Variants in HARS1 observed in about 807,000 individuals in gnomAD.
HARS1 encodes the protein histidine--tRNA ligase, cytoplasmic.
In HARS1, 45 loss-of-function variants were observed where a neutral mutation model predicts 63.6. That is an observed-to-expected ratio of 0.71 (90% CI 0.56 to 0.91). The LOEUF (loss-of-function observed/expected upper bound fraction) is 0.91. HARS1 is among the 40% of genes least tolerant of loss of function. The pLI is 0.00. For synonymous variants in HARS1, 205 were observed against 247.1 expected (o/e 0.83, Z 1.60); for missense variants, 508 against 643.2 (o/e 0.79, Z 2.27).
rs968762189 is a variant in HARS1 at position 140,674,178 on chromosome 5, C to T, written c.*79G>A. On this transcript the variant is annotated 3_prime_UTR_variant, in exon 13 of 13. Coordinates refer to ENST00000504156, the MANE Select transcript of HARS1 (RefSeq NM_002109.6). ...TCCGCTGAAACGGAAAAGTGCAAAG[C>T]AATTGAAGTACATATGCAGTTTGTC... 2.8e-5 allele frequency: 25 copies of T among 881,308 alleles called. No homozygotes were observed. The highest frequency in any genetic ancestry group is 4.3e-4 in the Middle Eastern group (2 of 4,646). The allele number at this position is 881,308 out of a possible 1,614,324, so 54.6% of individuals were successfully genotyped here. A position where few individuals can be genotyped will look rare whatever the true frequency, so the allele number is the denominator to read the frequency against.
intron 11 of HARS1, 68 bp from the exon 12 acceptor site, chr5:140,674,893 C>T (rs1001734155): frequency 3.8e-6 from 6 of 1,564,506 alleles, no homozygotes; most frequent in African/African-American, 2.7e-5. Flanking sequence ...GGTGTCCAAG[C>T]TGGCACCCTG....
intron 3 of HARS1, among the ~76,000 whole-genome samples, chr5:140,682,006 A>G (rs1009203849): frequency 2.6e-5 from 4 of 152,220 alleles, no homozygotes; most frequent in Admixed American, 6.5e-5. Context: ...TCATTGTGAT[A>G]AGAGAGAGAA....
Position 140,677,888 on chromosome 5 carries a change from CCAGCCTTGT to C in HARS1, c.630+11_630+19del, listed in dbSNP as rs1293241331. On this transcript the variant is annotated intron_variant, in intron 6 of 12. Coordinates refer to ENST00000504156, the MANE Select transcript of HARS1 (RefSeq NM_002109.6). ...AGAGGCCAGGCCCAACTTTGCCCTC[CCAGCCTTGT>C]CAGCTCTGACCTTGACCAGGAAGTC... 1 of 1,555,290 alleles carries C rather than the reference CCAGCCTTGT, an allele frequency of 6.4e-7. No homozygotes were observed. Among genetic ancestry groups the C allele is most frequent in the South Asian group, 1.1e-5 (1 of 89,886 alleles).
At chr5:140,678,925 G>A (rs1283487423) in intron 5 of HARS1, 77 bp downstream of exon 5, 45 of 1,461,490 alleles carry the variant, frequency 3.1e-5, no homozygotes, top group Non-Finnish European at 3.7e-5. Flanking sequence ...TCAGGACACC[G>A]TGAGTACTCA....
intron 2 of HARS1, among the ~76,000 whole-genome samples, chr5:140,685,931 C>CTTTT (rs895539158): frequency 1.5e-5 from 2 of 137,868 alleles, no homozygotes; most frequent in Non-Finnish European, 3.2e-5. Flanking sequence ...TCAAGAAAGT[C>CTTTT]TTTTTTTTTT....
chr5:140,677,893 C>G lies in HARS1; in HGVS notation c.630+15G>C. ...CCAGGCCCAACTTTGCCCTCCCAGCCTTGTCAGCTCTGACCTTGACCAGGA... is the reference window on the plus strand; with the variant it reads ...CCAGGCCCAACTTTGCCCTCCCAGCGTTGTCAGCTCTGACCTTGACCAGGA... On this transcript the variant is annotated intron_variant, in intron 6 of 12. Coordinates refer to ENST00000504156, the MANE Select transcript of HARS1 (RefSeq NM_002109.6). The G allele has an allele frequency of 6.4e-7, 1 of 1,572,894 alleles. No homozygotes were observed. The highest frequency in any genetic ancestry group is 8.8e-7 in the Non-Finnish European group (1 of 1,142,646).
chr5:140,684,343 C>T (rs1003700024), intron 2 of HARS1: 2 of 982,514 alleles, frequency 2.0e-6, no homozygotes, highest in South Asian at 4.7e-5. Flanking sequence ...ATAATAACAA[C>T]AAAAAAATAC....
chr5:140,674,864 G>A (rs762621582), intron 11 of HARS1, 39 bp from the exon 12 acceptor site: 2 of 1,612,198 alleles, frequency 1.2e-6, no homozygotes, highest in Middle Eastern at 1.7e-4. Context: ...GCTGGCTTCT[G>A]CTGTCCTCAG....
At chr5:140,684,494 T>A in intron 2 of HARS1, 2 of 791,236 alleles carry the variant, frequency 2.5e-6, no homozygotes, top group Non-Finnish European at 3.1e-6. Context: ...TTGTTTCTGG[T>A]AACAACTCTA....
chr5:140,675,117 A>G lies in HARS1; in HGVS notation c.1211T>C (p.Ile404Thr), dbSNP rs1331813676. 1.2e-6 allele frequency: 2 copies of G among 1,609,704 alleles called. No individual in the cohort carries two copies. The change falls in exon 11 of 13, where the codon ATA (isoleucine) becomes ACA (threonine). Residue 404 changes from isoleucine to threonine, a missense_variant. By Grantham distance (89) the Ile-to-Thr change is moderately conservative (BLOSUM62 -1). This residue lies in a region of HARS1 where 403 missense variants were observed against 548.7 expected (regional missense o/e 0.73). Coordinates refer to ENST00000504156, the MANE Select transcript of HARS1 (RefSeq NM_002109.6). ...AAGCACCTGTGTCTCCGTGGTCCGT[A>G]TCTTCTCCTCCAAAGCCTGGGGAAG... ...EQRLEALEEK[I>T]RTTETQVLVA...
chr5:140,687,782 A>G (rs967394350), intron 2 of HARS1: 1 of 152,280 alleles, frequency 6.6e-6, no homozygotes, highest in Non-Finnish European at 1.5e-5. Flanking sequence ...TGTTAACACA[A>G]CGAAAAAGGC....
intron 5 of HARS1, chr5:140,678,339 G>A (rs1174006730): frequency 5.6e-6 from 2 of 358,202 alleles, no homozygotes; most frequent in Non-Finnish European, 1.0e-5. Flanking sequence ...TGGATGATTT[G>A]ATGTATCAAA....
At chr5:140,678,117 T>G in intron 5 of HARS1, 102 bp from the exon 6 acceptor site, 2 of 685,192 alleles carry the variant, frequency 2.9e-6, no homozygotes, top group Non-Finnish European at 5.4e-6. Flanking sequence ...CACTCAAGCA[T>G]AGAATTTCTC....
chr5:140,683,962 TGA>T (rs1758871859), intron 2 of HARS1: 1 of 152,390 alleles, frequency 6.6e-6, no homozygotes, highest in Admixed American at 6.6e-5. Flanking sequence ...CACTCCAGAC[TGA>T]GAGACAGAGC....
intron 10 of HARS1, 24 bp from the exon 11 acceptor site, chr5:140,675,157 G>C (rs1413969174): frequency 6.9e-7 from 1 of 1,443,944 alleles, no homozygotes; most frequent in Non-Finnish European, 9.8e-7. Context: ...AGATAAAAGA[G>C]AGCTGGGCTA....
Position 140,679,198 on chromosome 5 carries a change from A to C in HARS1, c.397-71T>G, listed in dbSNP as rs1247173647. 1 of 1,523,668 alleles carries C rather than the reference A, an allele frequency of 6.6e-7. No individual in the cohort carries two copies. The highest frequency in any genetic ancestry group is 1.4e-5 in the African/African-American group (1 of 73,082). The allele number at this position is 1,523,668 out of a possible 1,614,324, so 94.4% of individuals were successfully genotyped here. A position where few individuals can be genotyped will look rare whatever the true frequency, so the allele number is the denominator to read the frequency against. On this transcript the variant is annotated intron_variant, in intron 4 of 12. Coordinates refer to ENST00000504156, the MANE Select transcript of HARS1 (RefSeq NM_002109.6). This position sits in a 1 kb window ranked among gnomAD's most constrained non-coding sequence, Gnocchi z 4.3. ...CAAGTTGATTATCATCACCAACAGA[A>C]GCTGGGGTCTAACCCCTCCCTATGT...
In HARS1 at chr5:140,676,561, GC is replaced by G. The variant is rs11344157; in HGVS notation, c.1194+92del. 4,877 of 1,327,202 alleles carry G rather than the reference GC, an allele frequency of 3.7e-3. 137 individuals are homozygous for G. In the African/African-American group the frequency reaches 0.06, roughly 16 times the overall value. The allele number at this position is 1,327,202 out of a possible 1,614,324, so 82.2% of individuals were successfully genotyped here. A position where few individuals can be genotyped will look rare whatever the true frequency, so the allele number is the denominator to read the frequency against. On this transcript the variant is annotated intron_variant, in intron 10 of 12. Coordinates refer to ENST00000504156, the MANE Select transcript of HARS1 (RefSeq NM_002109.6). This position sits in a 1 kb window ranked among gnomAD's most constrained non-coding sequence, Gnocchi z 4.1. ...TCTCCATTTCTGTGAGATGCTCCCT[GC>G]CCAAAGCAGCACCACTTGCTCCCTT...
chr5:140,677,895 T>C lies in HARS1; in HGVS notation c.630+13A>G. On this transcript the variant is annotated intron_variant, in intron 6 of 12. Coordinates refer to ENST00000504156, the MANE Select transcript of HARS1 (RefSeq NM_002109.6). ...AGGCCCAACTTTGCCCTCCCAGCCT[T>C]GTCAGCTCTGACCTTGACCAGGAAG... 1.9e-6 allele frequency: 3 copies of C among 1,574,030 alleles called. No homozygotes were observed. Among genetic ancestry groups the C allele is most frequent in the Non-Finnish European group, 2.6e-6 (3 of 1,143,622 alleles).
At position 140,673,964 on chromosome 5, in the gene HARS1, C is replaced by A; in HGVS notation, c.*293G>T. The A allele has an allele frequency of 1.8e-6, 1 of 569,614 alleles. No individual in the cohort carries two copies. The highest frequency in any genetic ancestry group is 3.1e-6 in the Non-Finnish European group (1 of 319,392). The allele number at this position is 569,614 out of a possible 1,614,324, so 35.3% of individuals were successfully genotyped here. On this transcript the variant is annotated 3_prime_UTR_variant, in exon 13 of 13. Coordinates refer to ENST00000504156, the MANE Select transcript of HARS1 (RefSeq NM_002109.6). ...ATTGGTGGTGGGGAGGCATCTGCTCCAACTGGTGCGGGGCCCTGCAGATGG... is the reference window on the plus strand; with the variant it reads ...ATTGGTGGTGGGGAGGCATCTGCTCAAACTGGTGCGGGGCCCTGCAGATGG...
Sources: allele counts gnomAD v4.1 joint callset (sites outside exome capture counted in the v4.1 genomes callset), GRCh38; gene constraint gnomAD v4.1.1; regional missense constraint gnomAD v4.1.1; non-coding constraint Gnocchi (gnomAD v3.1); transcripts MANE v1.5; gene names NCBI Gene and HGNC (gene_info 2026-07-23, HGNC 2026-07-21).